NCKAP5L: variants seen among roughly 807,000 people sequenced by gnomAD.
NCKAP5L encodes the protein nck-associated protein 5-like.
NCKAP5L carries 54 observed loss-of-function variants against 103.2 expected under a neutral mutation model. The ratio of observed to expected loss-of-function variants is 0.52; its 90% confidence interval spans 0.42 to 0.66. The LOEUF is 0.66. Ranked by LOEUF, NCKAP5L falls within the 30% of genes least tolerant of loss-of-function variation. NCKAP5L has a pLI of 0.00. For synonymous variants in NCKAP5L, 762 were observed against 748.6 expected, an observed-to-expected ratio of 1.02 and a Z score of -0.29; for missense variants, 1,733 against 1,750.6, an observed-to-expected ratio of 0.99 and a Z score of 0.18.
Position 49,794,821 on chromosome 12 carries a change from G to T in NCKAP5L, c.3039C>A (p.Gly1013=). 1 of 1,544,050 alleles carries T rather than the reference G, an allele frequency of 6.5e-7. No homozygotes were observed. The highest frequency in any genetic ancestry group is 1.2e-5 in the South Asian group (1 of 81,994). The part of the protein sequence containing the change: ...GPNTGLGQVQ[G]QLAGMYQGAD... ...CACCTTGGTACATGCCAGCCAGCTG[G>T]CCCTGCACCTGCCCCAGCCCCGTGT... Residue 1013 remains glycine (G), a synonymous_variant, in exon 8 of 13, where the codon GGC becomes GGA. Coordinates refer to ENST00000335999, the MANE Select transcript of NCKAP5L (RefSeq NM_001037806.4).
chr12:49,815,862 A>C (rs879824883), intron 1 of NCKAP5L, among the ~76,000 whole-genome samples: 1 of 152,040 alleles, frequency 6.6e-6, no homozygotes, highest in African/African-American at 2.4e-5. Flanking sequence ...TCCTTGCCAC[A>C]AACACTTTTC....
At chr12:49,815,710 G>A (rs1343606748) in intron 1 of NCKAP5L, among the ~76,000 whole-genome samples, 8 of 152,166 alleles carry the variant, frequency 5.3e-5, no homozygotes, top group Admixed American at 3.9e-4. Context: ...GGCTGGTTTC[G>A]AACTCCTGAC....
At chr12:49,793,921 G>A in intron 8 of NCKAP5L, 25 bp from the exon 9 acceptor site, 1 of 1,463,766 alleles carries the variant, frequency 6.8e-7, no homozygotes, top group Middle Eastern at 1.8e-4. Flanking sequence ...GCAGATATAG[G>A]TGAGGGTGGT....
chr12:49,791,787 G>A lies in NCKAP5L; in HGVS notation c.*52C>T, dbSNP rs767075657. The A allele has an allele frequency of 4.5e-5, 65 of 1,451,594 alleles. No individual in the cohort carries two copies. Among genetic ancestry groups the A allele is most frequent in the Middle Eastern group, 3.7e-4 (2 of 5,460 alleles). 89.9% of individuals were successfully genotyped at this position (1,451,594 alleles called of 1,614,324 possible). ...CCGGGGGCTGGGCATGAAGAGAGCC[G>A]GTCCAGTCTGTGGTCCCCAGCTCCA... On this transcript the variant is annotated 3_prime_UTR_variant, in exon 13 of 13. Coordinates refer to ENST00000335999, the MANE Select transcript of NCKAP5L (RefSeq NM_001037806.4).
chr12:49,798,237 G>T, intron 7 of NCKAP5L, 113 bp downstream of exon 7: 2 of 990,092 alleles, frequency 2.0e-6, no homozygotes, highest in Non-Finnish European at 3.1e-6. Flanking sequence ...TTGGCATTCG[G>T]CTGCTCACAC....
rs1946048981 is a variant in NCKAP5L, at chr12:49,796,559, AGCTT to A, written c.1297_1300del (p.Lys433SerfsTer26). ...CCCAGGAGAAGGGGGGCCAATTTGG[AGCTT>A]GCTTTTCACCTGAGATGAGGAATGG... On this transcript the variant is annotated frameshift_variant, in exon 8 of 13. Transcript: ENST00000335999. LOFTEE classifies it high-confidence loss of function. The A allele has an allele frequency of 1.3e-6, 2 of 1,598,188 alleles. No homozygotes were observed. Among genetic ancestry groups the A allele is most frequent in the Admixed American group, 1.7e-5 (1 of 57,174 alleles).
In NCKAP5L at chr12:49,793,450, A is replaced by G; in HGVS notation, c.3259-17T>C. On this transcript the variant is annotated splice_polypyrimidine_tract_variant and intron_variant, in intron 9 of 12. Coordinates refer to ENST00000335999, the MANE Select transcript of NCKAP5L (RefSeq NM_001037806.4). ...GCTGCTCGGCTGTGTGGGATACAGG[A>G]GACCTCATAGTCCACTCCTCCCCCC... The G allele has an allele frequency of 6.2e-7, 1 of 1,608,018 alleles. No individual in the cohort carries two copies. The highest frequency in any genetic ancestry group is 8.5e-7 in the Non-Finnish European group (1 of 1,178,662).
At chr12:49,806,087 CCTG>C (rs1212008945) in intron 1 of NCKAP5L, 46 bp from the exon 2 acceptor site, 3 of 152,246 alleles carry the variant, frequency 2.0e-5, no homozygotes, top group Non-Finnish European at 4.4e-5. Context: ...TTACTGGGCT[CCTG>C]CTATGTGCCA....
At chr12:49,807,000 G>A (rs540466259) in intron 1 of NCKAP5L, among the ~76,000 whole-genome samples, 37 of 152,294 alleles carry the variant, frequency 2.4e-4, no homozygotes, top group African/African-American at 8.7e-4. Flanking sequence ...TACCTTGTCC[G>A]TTCACACAGA....
In NCKAP5L at chr12:49,802,461, A is replaced by G. The variant is rs548778439; in HGVS notation, c.232-494T>C. On this transcript the variant is annotated intron_variant, in intron 5 of 12. Coordinates refer to ENST00000335999, the MANE Select transcript of NCKAP5L (RefSeq NM_001037806.4). ...ACGGGGTTTCACCATGTTGGCCAGG[A>G]TAGTCTTGATCTCTTGACCTCGTGA... is the stretch of plus-strand genomic sequence containing the variant. 48 of 167,508 alleles carry G rather than the reference A, an allele frequency of 2.9e-4. 1 individual carries two copies. In the South Asian group the frequency reaches 4.4e-3, roughly 15 times the overall value. 10.4% of individuals were successfully genotyped at this position (167,508 alleles called of 1,614,324 possible).
chr12:49,804,402 A>C, intron 2 of NCKAP5L: 1 of 166,230 alleles, frequency 6.0e-6, no homozygotes, highest in Non-Finnish European at 1.3e-5. Context: ...ATATCCCCTA[A>C]TCTCATTCAG....
In NCKAP5L at chr12:49,791,799, G is replaced by A. The variant is rs765401017; in HGVS notation, c.*40C>T. 4.0e-6 allele frequency: 6 copies of A among 1,493,860 alleles called. No homozygotes were observed. The Admixed American group carries it at 8.5e-5, about 21-fold the overall frequency. The allele number at this position is 1,493,860 out of a possible 1,614,324, so 92.5% of individuals were successfully genotyped here. On this transcript the variant is annotated 3_prime_UTR_variant, in exon 13 of 13. Transcript: ENST00000335999. The stretch of plus-strand genomic sequence containing the variant: ...CATGAAGAGAGCCGGTCCAGTCTGT[G>A]GTCCCCAGCTCCAGCGGGGCCGTGG...
Position 49,803,176 on chromosome 12 carries a change from G to A in NCKAP5L, c.124-11C>T. ...TGCCGAGTTCTCTGCCTGCAGGAGT[G>A]AGGGAGGAAGAGGGCAAAAAGGTGG... On this transcript the variant is annotated splice_polypyrimidine_tract_variant and intron_variant, in intron 3 of 12. Coordinates refer to ENST00000335999, the MANE Select transcript of NCKAP5L (RefSeq NM_001037806.4). 5.6e-6 allele frequency: 9 copies of A among 1,613,330 alleles called. No individual in the cohort carries two copies. Among genetic ancestry groups the A allele is most frequent in the Non-Finnish European group, 7.6e-6 (9 of 1,179,824 alleles).
chr12:49,811,490 T>C (rs1449397407), intron 1 of NCKAP5L, among the ~76,000 whole-genome samples: 1 of 151,646 alleles, frequency 6.6e-6, no homozygotes, highest in Non-Finnish European at 1.5e-5. Flanking sequence ...AGCAGATGAG[T>C]TGCCTGCTCC....
chr12:49,802,226 T>G, intron 5 of NCKAP5L: 3 of 370,108 alleles, frequency 8.1e-6, no homozygotes, highest in East Asian at 4.6e-5. Flanking sequence ...ATCTTTCTCA[T>G]CCCTAGAATC....
rs1945937312 is a variant in NCKAP5L, at chr12:49,791,745, G to C, written c.*94C>G. The C allele has an allele frequency of 8.4e-7, 1 of 1,190,722 alleles. No individual in the cohort carries two copies. Among genetic ancestry groups the C allele is most frequent in the African/African-American group, 1.6e-5 (1 of 64,286 alleles). The allele number at this position is 1,190,722 out of a possible 1,614,324, so 73.8% of individuals were successfully genotyped here. ...TCCACCTGCCTCCTTGGTCCCTTCA[G>C]GGAGGGGTCCCCGTCTCCGGGGGCT... is the stretch of plus-strand genomic sequence containing the variant. On this transcript the variant is annotated 3_prime_UTR_variant, in exon 13 of 13. Transcript: ENST00000335999.
In NCKAP5L at chr12:49,793,876, G is replaced by A. The variant is rs1261555215; in HGVS notation, c.3116C>T (p.Pro1039Leu). Residue 1039 changes from proline (P) to leucine (L), a missense_variant, in exon 9 of 13, where the codon CCA becomes CTA. Coordinates refer to ENST00000335999, the MANE Select transcript of NCKAP5L (RefSeq NM_001037806.4). ...CTTGGGCTCCCGCCAGCTCTTGGAT[G>A]GCAGCTCCTTGCCATCCACCCTATG... The part of the protein sequence containing the change: ...LLNRVDGKEL[P>L]SKSWREPKPE... 1.9e-6 allele frequency: 3 copies of A among 1,559,636 alleles called. No homozygotes were observed. Among genetic ancestry groups the A allele is most frequent in the African/African-American group, 2.7e-5 (2 of 73,390 alleles).
At chr12:49,802,257 C>CTTTT in intron 5 of NCKAP5L, 1 of 259,222 alleles carries the variant, frequency 3.9e-6, no homozygotes. Flanking sequence ...CTCTTTTTTT[C>CTTTT]TTTTTTTTTT....
chr12:49,794,696 A>T, intron 8 of NCKAP5L, 69 bp downstream of exon 8: 2 of 1,225,848 alleles, frequency 1.6e-6, no homozygotes, highest in Non-Finnish European at 2.2e-6. Context: ...CTCCAGACGC[A>T]GGTGTGCCCA....
Sources: gnomAD v4.1 joint callset for allele counts (sites outside exome capture counted in the v4.1 genomes callset) on GRCh38, gnomAD v4.1.1 for gene constraint, MANE v1.5 for transcripts, NCBI Gene and HGNC (gene_info 2026-07-23, HGNC 2026-07-21) for gene names.